MCC: variants seen among roughly 807,000 people sequenced by gnomAD.
The protein encoded by MCC is colorectal mutant cancer protein.
In MCC, 90 loss-of-function variants were observed where a neutral mutation model predicts 116.2. The ratio of observed to expected loss-of-function variants is 0.77; its 90% confidence interval spans 0.65 to 0.92. The LOEUF is 0.92. Among genes scored for constraint, MCC ranks in the 40% least tolerant of loss-of-function variants. The pLI, the probability that MCC is intolerant of heterozygous loss-of-function variation, is 0.00. For missense variants in MCC, 1,516 were observed against 1,312.2 expected, an observed-to-expected ratio of 1.16 and a Z score of -2.40; for synonymous variants, 578 against 510.5, an observed-to-expected ratio of 1.13 and a Z score of -1.78.
At chr5:113,051,072 G>T (rs1301812432) in intron 15 of MCC, among the ~76,000 whole-genome samples, 1 of 152,212 alleles carries the variant, frequency 6.6e-6, no homozygotes, top group African/African-American at 2.4e-5. Flanking sequence ...ATGTGTAGGT[G>T]TGGTACAGGA....
chr5:113,475,767 C>T (rs769796103), intron 1 of MCC, among the ~76,000 whole-genome samples: 1 of 152,114 alleles, frequency 6.6e-6, no homozygotes, highest in Non-Finnish European at 1.5e-5. Context: ...AATGAAAAAT[C>T]ACCCTCACCA....
chr5:113,299,133 C>A (rs1305628328), intron 3 of MCC, among the ~76,000 whole-genome samples: 3 of 151,412 alleles, frequency 2.0e-5, no homozygotes, highest in Non-Finnish European at 2.9e-5. Flanking sequence ...ACTAAAAATA[C>A]AAAAATTAGC....
chr5:113,152,817 C>T (rs1385392590), intron 3 of MCC, among the ~76,000 whole-genome samples: 2 of 151,608 alleles, frequency 1.3e-5, no homozygotes, highest in African/African-American at 4.9e-5. Context: ...GATCAATAGC[C>T]GATTTGAAAT....
At chr5:113,168,676 G>A (rs772485048) in intron 3 of MCC, among the ~76,000 whole-genome samples, 2 of 152,054 alleles carry the variant, frequency 1.3e-5, no homozygotes, top group Non-Finnish European at 2.9e-5. Context: ...TGAATAATGG[G>A]TGCAGGCCAA....
At chr5:113,414,196 T>C (rs1003707932) in intron 1 of MCC, among the ~76,000 whole-genome samples, 1 of 152,220 alleles carries the variant, frequency 6.6e-6, no homozygotes, top group African/African-American at 2.4e-5. Flanking sequence ...AACTATGTGG[T>C]CAATTTTGGA....
intron 1 of MCC, among the ~76,000 whole-genome samples, chr5:113,402,839 G>C (rs73781526): frequency 0.014 from 2,056 of 152,152 alleles, 53 homozygotes; most frequent in African/African-American, 0.047. Flanking sequence ...ATATCGTCCA[G>C]GCTGGAGGGC....
At chr5:113,186,816 A>C (rs1447017071) in intron 3 of MCC, among the ~76,000 whole-genome samples, 1 of 152,112 alleles carries the variant, frequency 6.6e-6, no homozygotes, top group Non-Finnish European at 1.5e-5. Context: ...GTTCTCAACC[A>C]CATGCAAGTT....
chr5:113,074,511 G>C (rs191758731), intron 11 of MCC, among the ~76,000 whole-genome samples: 2 of 152,340 alleles, frequency 1.3e-5, no homozygotes, highest in East Asian at 3.9e-4. Flanking sequence ...CGCCAGCAAT[G>C]GAACAAAGCT....
At chr5:113,092,478 A>G (rs1411737422) in intron 8 of MCC, among the ~76,000 whole-genome samples, 1 of 152,170 alleles carries the variant, frequency 6.6e-6, no homozygotes, top group African/African-American at 2.4e-5. Context: ...TAAGATGATA[A>G]ATTTGTGTTG....
intron 3 of MCC, among the ~76,000 whole-genome samples, chr5:113,163,520 T>C (rs532648761): frequency 2.0e-5 from 3 of 152,184 alleles, no homozygotes; most frequent in Non-Finnish European, 4.4e-5. Flanking sequence ...TAACCCTTAG[T>C]ATGACCTGAC....
intron 2 of MCC, among the ~76,000 whole-genome samples, chr5:113,352,646 T>C (rs1317834429): frequency 6.6e-6 from 1 of 151,660 alleles, no homozygotes; most frequent in Admixed American, 6.6e-5. Flanking sequence ...TTCCTTTTTT[T>C]TCCCCCTGCA....
At chr5:113,195,800 C>T (rs1762376417) in intron 3 of MCC, among the ~76,000 whole-genome samples, 2 of 152,168 alleles carry the variant, frequency 1.3e-5, no homozygotes, top group African/African-American at 4.8e-5. Context: ...GGTGGCAGTG[C>T]CCTTCTGCCT....
At chr5:113,475,620 C>G (rs1772216606) in intron 1 of MCC, among the ~76,000 whole-genome samples, 1 of 152,172 alleles carries the variant, frequency 6.6e-6, no homozygotes, top group African/African-American at 2.4e-5. Context: ...CACTCTGAGA[C>G]TAAGAATTAA....
chr5:113,191,659 G>C (rs545813661), intron 3 of MCC, among the ~76,000 whole-genome samples: 1 of 152,330 alleles, frequency 6.6e-6, no homozygotes, highest in Non-Finnish European at 1.5e-5. Flanking sequence ...AGGAAGCCAG[G>C]TCATGGGGCT....
intron 11 of MCC, among the ~76,000 whole-genome samples, chr5:113,082,118 T>A (rs1561791346): frequency 6.6e-6 from 1 of 152,228 alleles, no homozygotes; most frequent in Non-Finnish European, 1.5e-5. Flanking sequence ...CCCTCATCAC[T>A]GGCATGACAC....
chr5:113,159,571 G>A (rs1213576647), intron 3 of MCC, among the ~76,000 whole-genome samples: 2 of 152,166 alleles, frequency 1.3e-5, no homozygotes, highest in African/African-American at 4.8e-5. Context: ...GAGCTCGTGG[G>A]TAGTCAATAA....
At chr5:113,487,586 A>G (rs1252150499) in intron 1 of MCC, among the ~76,000 whole-genome samples, 2 of 152,196 alleles carry the variant, frequency 1.3e-5, no homozygotes, top group African/African-American at 4.8e-5. Flanking sequence ...GCCACGCCGA[A>G]GCTCACCTGG....
intron 3 of MCC, among the ~76,000 whole-genome samples, chr5:113,168,617 C>A (rs1760899484): frequency 6.6e-6 from 1 of 152,078 alleles, no homozygotes; most frequent in Admixed American, 6.5e-5. Context: ...CCAGAATATA[C>A]CACAGGCACA....
intron 3 of MCC, among the ~76,000 whole-genome samples, chr5:113,175,516 A>C (rs1761287408): frequency 1.3e-5 from 2 of 152,190 alleles, no homozygotes; most frequent in African/African-American, 2.4e-5. Flanking sequence ...AAATTTGATC[A>C]CTGTAGTTAG....
Sources: allele counts gnomAD v4.1 joint callset (sites outside exome capture counted in the v4.1 genomes callset), GRCh38; gene constraint gnomAD v4.1.1; transcripts MANE v1.5; gene names NCBI Gene and HGNC (gene_info 2026-07-23, HGNC 2026-07-21).